DCAKD: variants seen among roughly 807,000 people sequenced by gnomAD.
DCAKD encodes the protein dephospho-CoA kinase domain containing, also known as dephospho-CoA kinase domain-containing protein.
DCAKD carries 15 observed loss-of-function variants against 18.7 expected under a neutral mutation model. The observed-to-expected ratio is 0.80, with a 90% CI of 0.54 to 1.24. DCAKD has a LOEUF of 1.24. Among genes scored for constraint, DCAKD ranks in the 50% most tolerant of loss-of-function variants. The probability of loss-of-function intolerance (pLI) is 0.00; values close to 1 mark genes in which losing one functional copy is unlikely to be tolerated. For missense variants in DCAKD, 301 were observed against 322.0 expected, an observed-to-expected ratio of 0.93 and a Z score of 0.50; for synonymous variants, 130 against 133.0, an observed-to-expected ratio of 0.98 and a Z score of 0.16.
chr17:45,045,883 T>C (rs757952951), intron 1 of DCAKD, among the ~76,000 whole-genome samples: 6 of 152,046 alleles, frequency 3.9e-5, no homozygotes, highest in Non-Finnish European at 7.4e-5. Context: ...TGGAATGCAA[T>C]GGTGCGGTTT....
chr17:45,046,162 T>C (rs747360494), intron 1 of DCAKD, among the ~76,000 whole-genome samples: 6 of 152,048 alleles, frequency 3.9e-5, no homozygotes, highest in Non-Finnish European at 7.4e-5. Context: ...TCACAAAACC[T>C]TTCCACATTA....
intron 4 of DCAKD, among the ~76,000 whole-genome samples, chr17:45,025,636 G>A (rs1205299852): frequency 1.3e-5 from 2 of 152,136 alleles, no homozygotes; most frequent in Non-Finnish European, 2.9e-5. Context: ...GAGCACAAGG[G>A]GTTGCAGCAG....
intron 3 of DCAKD, chr17:45,031,576 G>A (rs2053171551): frequency 3.1e-5 from 31 of 985,374 alleles, no homozygotes; most frequent in Non-Finnish European, 3.7e-5. Context: ...GGCCAACAGT[G>A]TGGTGCGCCT....
chr17:45,059,326 G>T (rs1183153315), intron 1 of DCAKD, among the ~76,000 whole-genome samples: 1 of 152,124 alleles, frequency 6.6e-6, no homozygotes, highest in African/African-American at 2.4e-5. Context: ...AGTCAGATGG[G>T]AACTGTTTCT....
intron 1 of DCAKD, among the ~76,000 whole-genome samples, chr17:45,043,686 C>A (rs1010375371): frequency 2.6e-5 from 4 of 152,238 alleles, no homozygotes; most frequent in Non-Finnish European, 5.9e-5. Flanking sequence ...AATACGCTCA[C>A]CTACTCACGA....
At chr17:45,029,632 G>A (rs189889621) in intron 4 of DCAKD, among the ~76,000 whole-genome samples, 11 of 152,242 alleles carry the variant, frequency 7.2e-5, no homozygotes, top group East Asian at 3.9e-4. Flanking sequence ...CCTTCTGTTC[G>A]TAACAGGTGT....
At chr17:45,032,191 G>C (rs1057310900) in intron 3 of DCAKD, 2 of 897,644 alleles carry the variant, frequency 2.2e-6, no homozygotes, top group Non-Finnish European at 2.7e-6. Flanking sequence ...TGGGGGACGG[G>C]AAGGACACTG....
intron 1 of DCAKD, among the ~76,000 whole-genome samples, chr17:45,047,069 A>C (rs534718989): frequency 1.3e-4 from 20 of 152,122 alleles, no homozygotes; most frequent in Non-Finnish European, 2.5e-4. Context: ...GATTATTAAT[A>C]ATTCAATGTG....
intron 4 of DCAKD, 109 bp downstream of exon 4, chr17:45,029,983 A>G (rs1278909007): frequency 2.1e-6 from 2 of 974,780 alleles, no homozygotes; most frequent in South Asian, 1.3e-5. Flanking sequence ...CCAAACCCCC[A>G]TGCCTCTTGG....
rs1411079948 is a variant in DCAKD at position 45,048,261 on chromosome 17, C to T, written c.-115+3100G>A. Among the ~76,000 whole-genome samples the T allele has an allele frequency of 2.6e-5, 4 of 152,010 alleles. No homozygotes were observed. The East Asian group carries it at 7.7e-4, about 29-fold the overall frequency. On this transcript the variant is annotated intron_variant, in intron 1 of 4. Coordinates refer to ENST00000651974, the MANE Select transcript of DCAKD (RefSeq NM_001288655.2). Reference sequence around the variant, plus strand: ...AAAAAAAAAAAAATTAGCTGGAATCCCAGCACTCTGGGAGGCAGATCACTT... The same window carrying T: ...AAAAAAAAAAAAATTAGCTGGAATCTCAGCACTCTGGGAGGCAGATCACTT...
chr17:45,032,338 C>T (rs1197846976), intron 3 of DCAKD, among the ~76,000 whole-genome samples: 1 of 152,016 alleles, frequency 6.6e-6, no homozygotes, highest in East Asian at 1.9e-4. Context: ...CCAGCTCCAG[C>T]CCGGACGGGA....
In DCAKD at chr17:45,034,329, C is replaced by G; in HGVS notation, c.174G>C (p.Leu58Phe). 6.2e-7 allele frequency: 1 copy of G among 1,614,116 alleles called. No individual in the cohort carries two copies. The highest frequency in any genetic ancestry group is 8.5e-7 in the Non-Finnish European group (1 of 1,180,044). ...RIVEVFGTEV[L>F]LENGDINRKV... is the part of the protein sequence containing the mutation. ...TGCGATTTATGTCGCCGTTCTCCAG[C>G]AAGACCTCAGTGCCGAAGACCTCTA... Residue 58 changes from leucine (L) to phenylalanine (F), a missense_variant, in exon 3 of 5, where the codon TTG becomes TTC. By Grantham distance (22) the Leu-to-Phe change is conservative. Coordinates refer to ENST00000651974, the MANE Select transcript of DCAKD (RefSeq NM_001288655.2).
At chr17:45,055,362 GTTTATTTATTTATTTATTTA>G (rs143325123), upstream of DCAKD, among the ~76,000 whole-genome samples, 1 of 149,702 alleles carries the variant, frequency 6.7e-6, no homozygotes, top group African/African-American at 2.5e-5. Flanking sequence ...TTTTCTGTAC[GTTTATTTATTTATTTATTTA>G]TTTATTTATT....
intron 1 of DCAKD, among the ~76,000 whole-genome samples, chr17:45,059,738 C>G (rs150810563): frequency 6.6e-6 from 1 of 152,056 alleles, no homozygotes. Flanking sequence ...ATTTGTATAC[C>G]GATTTGCCAC....
intron 4 of DCAKD, 123 bp from the exon 5 acceptor site, chr17:45,024,847 C>T (rs2053021701): frequency 2.4e-6 from 3 of 1,252,548 alleles, no homozygotes; most frequent in Admixed American, 2.8e-5. Context: ...TTCCCTCCAA[C>T]CCTACCCTGC....
Position 45,030,169 on chromosome 17 carries a change from G to A in DCAKD, c.327C>T (p.Tyr109=), listed in dbSNP as rs749937712. 21 of 1,613,912 alleles carry A rather than the reference G, an allele frequency of 1.3e-5. No individual in the cohort carries two copies. Among genetic ancestry groups the A allele is most frequent in the East Asian group, 2.2e-5 (1 of 44,892 alleles). Reference sequence around the variant, plus strand: ...ACAGCAGGGGGATATCCAGAATCACGTAGCGGTATCCTGGGGAGAGGTTGG... The same window carrying A: ...ACAGCAGGGGGATATCCAGAATCACATAGCGGTATCCTGGGGAGAGGTTGG... The part of the protein sequence containing the change: ...TFKYFLRGYR[Y]VILDIPLLFE... Residue 109 remains tyrosine, a synonymous_variant, in exon 4 of 5, where the codon TAC becomes TAT. Transcript: ENST00000651974.
At chr17:45,043,165 A>T (rs2053478439) in intron 1 of DCAKD, among the ~76,000 whole-genome samples, 1 of 151,370 alleles carries the variant, frequency 6.6e-6, no homozygotes, top group Non-Finnish European at 1.5e-5. Context: ...ATAAAATAGG[A>T]TTTGCGCTTG....
chr17:45,060,035 C>T (rs1009388335), intron 1 of DCAKD, among the ~76,000 whole-genome samples: 1 of 152,018 alleles, frequency 6.6e-6, no homozygotes, highest in African/African-American at 2.4e-5. Context: ...ACCCAGGAGG[C>T]GAAGGTTGCA....
intron 1 of DCAKD, among the ~76,000 whole-genome samples, chr17:45,058,771 T>C (rs2053815561): frequency 6.6e-6 from 1 of 151,850 alleles, no homozygotes; most frequent in Non-Finnish European, 1.5e-5. Flanking sequence ...TCCCTGCAGC[T>C]GCAAATAGGG....
Sources: gnomAD v4.1 joint callset for allele counts (sites outside exome capture counted in the v4.1 genomes callset) on GRCh38, gnomAD v4.1.1 for gene constraint, MANE v1.5 for transcripts, NCBI Gene and HGNC (gene_info 2026-07-23, HGNC 2026-07-21) for gene names.